Variants in CAMK2D observed in about 807,000 individuals in gnomAD.
The protein encoded by CAMK2D is calcium/calmodulin-dependent protein kinase type II subunit delta.
Under a neutral mutation model 84.0 loss-of-function variants are expected in CAMK2D, and 37 were observed. That is an observed-to-expected ratio of 0.44 (90% confidence interval 0.34 to 0.58). The LOEUF (loss-of-function observed/expected upper bound fraction) is 0.58, where lower values mean the gene tolerates loss of function less well. Ranked by LOEUF, CAMK2D falls within the 20% of genes least tolerant of loss-of-function variation. CAMK2D has a pLI of 0.02. For missense variants in CAMK2D, 448 were observed against 652.5 expected (o/e 0.69, Z 3.41); for synonymous variants, 202 against 212.5 (o/e 0.95, Z 0.43).
chr4:113,579,555 C>G (rs1311960883), intron 4 of CAMK2D, among the ~76,000 whole-genome samples: 2 of 151,950 alleles, frequency 1.3e-5, no homozygotes, highest in South Asian at 2.1e-4. Context: ...GTTAAAAGAC[C>G]CTGGTACTTC....
chr4:113,491,880 G>A (rs543190657), intron 16 of CAMK2D, among the ~76,000 whole-genome samples: 4,875 of 151,964 alleles, frequency 0.032, 260 homozygotes, highest in African/African-American at 0.11. Flanking sequence ...GAGGGTGTAT[G>A]TGTCCAGGAA....
intron 4 of CAMK2D, among the ~76,000 whole-genome samples, chr4:113,568,252 TG>T (rs1365984222): frequency 6.6e-6 from 1 of 152,178 alleles, no homozygotes; most frequent in Non-Finnish European, 1.5e-5. Flanking sequence ...CTCCAGCACC[TG>T]GTAACTGTCA....
rs541342972 is a variant in CAMK2D, at chr4:113,524,301, T to C, written c.602-6644A>G. On this transcript the variant is annotated intron_variant, in intron 8 of 20. Transcript: ENST00000511664. Reference sequence around the variant, plus strand: ...ATACATGAAACACTAATTTCCCCTTTCTCTCTAGTTCTTGGTAATCACCTT... The same window carrying C: ...ATACATGAAACACTAATTTCCCCTTCCTCTCTAGTTCTTGGTAATCACCTT... 2.0e-5 allele frequency among the ~76,000 whole-genome samples: 3 copies of C among 152,314 alleles called. No homozygotes were observed. In the South Asian group the frequency reaches 6.2e-4, roughly 32 times the overall value.
rs143654780 is a variant in CAMK2D at position 113,462,266 on chromosome 4, ATGTGTGTGTG to A, written c.1212-2035_1212-2026del. ...TGAAAAAGAGTCAGTATATTTGGAA[ATGTGTGTGTG>A]TGTGTGTGTGTGTGTGTGTCTGTCT... On this transcript the variant is annotated intron_variant, in intron 17 of 20. Transcript: ENST00000511664. Among the ~76,000 whole-genome samples the A allele has an allele frequency of 3.0e-3, 329 of 109,924 alleles. 3 individuals carry two copies. The highest frequency in any genetic ancestry group is 4.3e-3 in the Middle Eastern group (1 of 230). 72.1% of individuals were successfully genotyped at this position (109,924 alleles called of 152,430 possible). A position where few individuals can be genotyped will look rare whatever the true frequency, so the allele number is the denominator to read the frequency against.
At chr4:113,581,500 C>G (rs1456856058) in intron 4 of CAMK2D, among the ~76,000 whole-genome samples, 1 of 90,142 alleles carries the variant, frequency 1.1e-5, no homozygotes, top group Non-Finnish European at 2.1e-5. Flanking sequence ...CCAATGAGAG[C>G]AAAACTTTCT....
At chr4:113,631,311 G>C (rs537943238) in intron 3 of CAMK2D, among the ~76,000 whole-genome samples, 7 of 152,264 alleles carry the variant, frequency 4.6e-5, no homozygotes, top group Admixed American at 2.0e-4. Flanking sequence ...CCAGGAGCTT[G>C]AGACCAGCCT....
At chr4:113,630,158 G>C (rs959590744) in intron 3 of CAMK2D, among the ~76,000 whole-genome samples, 4 of 152,154 alleles carry the variant, frequency 2.6e-5, no homozygotes, top group African/African-American at 9.7e-5. Context: ...GAAGAGAACT[G>C]TTTATACAGA....
chr4:113,503,446 G>A (rs775273199), intron 14 of CAMK2D: 12 of 327,890 alleles, frequency 3.7e-5, no homozygotes, highest in African/African-American at 1.1e-4. Context: ...TAATTAATAC[G>A]TAACTGAATA....
intron 7 of CAMK2D, 142 bp from the exon 8 acceptor site, chr4:113,531,441 AG>A (rs1244522186): frequency 1.9e-5 from 12 of 625,808 alleles, no homozygotes; most frequent in Non-Finnish European, 3.2e-5. Context: ...AGCAATAAAT[AG>A]TGTAGACTTT....
At chr4:113,751,544 G>T (rs2099617273) in intron 2 of CAMK2D, among the ~76,000 whole-genome samples, 1 of 152,072 alleles carries the variant, frequency 6.6e-6, no homozygotes. Context: ...GGCCTAAGTG[G>T]GTGGATCACG....
At chr4:113,464,219 TTAATTA>T (rs1368755167) in intron 17 of CAMK2D, among the ~76,000 whole-genome samples, 1 of 152,226 alleles carries the variant, frequency 6.6e-6, no homozygotes, top group African/African-American at 2.4e-5. Context: ...TTGTGTATAC[TTAATTA>T]GTAAACATGA....
At chr4:113,672,703 AAAT>A (rs1315577539) in intron 2 of CAMK2D, among the ~76,000 whole-genome samples, 1 of 151,658 alleles carries the variant, frequency 6.6e-6, no homozygotes, top group African/African-American at 2.4e-5. Flanking sequence ...AATTAATTAA[AAAT>A]AAAATTAATT....
At chr4:113,672,967 C>G (rs997752911) in intron 2 of CAMK2D, among the ~76,000 whole-genome samples, 1 of 151,916 alleles carries the variant, frequency 6.6e-6, no homozygotes, top group Non-Finnish European at 1.5e-5. Context: ...AGGCTAAAAA[C>G]AAAATAATTA....
rs568780091 is a variant in CAMK2D at position 113,542,689 on chromosome 4, T to C, written c.414+4955A>G. On this transcript the variant is annotated intron_variant, in intron 6 of 20. Transcript: ENST00000511664. ...GAGATCGCGCCACTGCCCTCCAGCCTGGGCAACAGAGCGAGATTCCGTCTC... is the reference window on the plus strand; with the variant it reads ...GAGATCGCGCCACTGCCCTCCAGCCCGGGCAACAGAGCGAGATTCCGTCTC... Among the ~76,000 whole-genome samples, 285 of 149,128 alleles carry C rather than the reference T, an allele frequency of 1.9e-3. 2 individuals are homozygous for C. Among genetic ancestry groups the C allele is most frequent in the South Asian group, 0.017 (78 of 4,712 alleles).
At chr4:113,476,111 C>T (rs1229440231) in intron 16 of CAMK2D, among the ~76,000 whole-genome samples, 2 of 152,044 alleles carry the variant, frequency 1.3e-5, no homozygotes, top group Non-Finnish European at 2.9e-5. Context: ...CTTGATATGT[C>T]AGGAGTATGT....
At chr4:113,528,717 A>C (rs1199958399) in intron 8 of CAMK2D, among the ~76,000 whole-genome samples, 1 of 152,184 alleles carries the variant, frequency 6.6e-6, no homozygotes. Flanking sequence ...TACTTTAAAA[A>C]ATATGATTGT....
rs543849640 is a variant in CAMK2D at position 113,482,360 on chromosome 4, A to T, written c.1136-16756T>A. Among the ~76,000 whole-genome samples, 7 of 152,338 alleles carry T rather than the reference A, an allele frequency of 4.6e-5. No homozygotes were observed. In the East Asian group the frequency reaches 9.6e-4, roughly 21 times the overall value. On this transcript the variant is annotated intron_variant, in intron 16 of 20. Transcript: ENST00000511664. ...ATAAGCAAAACTAAGGAGACAAAGA[A>T]ATTAAAAGAAACTGAGGAGACAAAG...
intron 6 of CAMK2D, among the ~76,000 whole-genome samples, chr4:113,538,809 T>TA (rs2098510864): frequency 6.6e-6 from 1 of 152,120 alleles, no homozygotes; most frequent in African/African-American, 2.4e-5. Flanking sequence ...TACAAGAAAT[T>TA]AGAGTGTTGG....
At chr4:113,468,431 G>C (rs1285427154) in intron 16 of CAMK2D, among the ~76,000 whole-genome samples, 2 of 152,198 alleles carry the variant, frequency 1.3e-5, no homozygotes, top group Non-Finnish European at 2.9e-5. Context: ...GGAATCTTTA[G>C]AGTGCTTATT....
Sources: allele counts gnomAD v4.1 joint callset (sites outside exome capture counted in the v4.1 genomes callset), GRCh38; gene constraint gnomAD v4.1.1; transcripts MANE v1.5; gene names NCBI Gene and HGNC (gene_info 2026-07-23, HGNC 2026-07-21).